The following AGBL1 variants were observed in gnomAD, a reference collection of about 807,000 sequenced individuals.
AGBL1 encodes AGBL carboxypeptidase 1.
In AGBL1, 130 loss-of-function variants were observed where a neutral mutation model predicts 118.9. The ratio of observed to expected loss-of-function variants is 1.09; its 90% CI spans 0.95 to 1.26. The LOEUF is 1.26. Among genes scored for constraint, AGBL1 ranks in the 50% most tolerant of loss-of-function variants. The pLI, the probability that AGBL1 is intolerant of heterozygous loss-of-function variation, is 0.00. For synonymous variants in AGBL1, 555 were observed against 478.9 expected (o/e 1.16, Z -2.08); for missense variants, 1,584 against 1,298.1 (o/e 1.22, Z -3.38).
At chr15:86,948,237 T>A (rs1016038197) in intron 23 of AGBL1, among the ~76,000 whole-genome samples, 1 of 151,928 alleles carries the variant, frequency 6.6e-6, no homozygotes, top group Non-Finnish European at 1.5e-5. Flanking sequence ...AAGAGATGAA[T>A]GAAATACACC....
chr15:86,987,525 T>C (rs1160325545), intron 23 of AGBL1, among the ~76,000 whole-genome samples: 1 of 152,140 alleles, frequency 6.6e-6, no homozygotes, highest in African/African-American at 2.4e-5. Context: ...CCTTTTATAT[T>C]ATTAAACAAA....
intron 22 of AGBL1, among the ~76,000 whole-genome samples, chr15:86,843,770 G>C (rs751319725): frequency 2.0e-5 from 3 of 152,060 alleles, no homozygotes; most frequent in Non-Finnish European, 4.4e-5. Context: ...TCCATCCAAG[G>C]TAAGCGTAAG....
chr15:86,853,475 CAGATGAAGAAATTG>C (rs2079434656), intron 22 of AGBL1, among the ~76,000 whole-genome samples: 1 of 152,166 alleles, frequency 6.6e-6, no homozygotes, highest in Non-Finnish European at 1.5e-5. Context: ...TCCAATTCTA[CAGATGAAGAAATTG>C]ATCTTTAAAG....
chr15:86,640,887 A>G (rs2085178776), intron 21 of AGBL1, among the ~76,000 whole-genome samples: 1 of 152,088 alleles, frequency 6.6e-6, no homozygotes, highest in Admixed American at 6.5e-5. Context: ...GACAATGAAT[A>G]ATATTAATTT....
At chr15:86,927,908 G>A (rs563288096) in intron 23 of AGBL1, among the ~76,000 whole-genome samples, 5 of 149,188 alleles carry the variant, frequency 3.4e-5, no homozygotes, top group Non-Finnish European at 5.9e-5. Context: ...CTACTTCAAG[G>A]ACAGCAAATT....
At chr15:86,365,605 A>G (rs2080874888) in intron 17 of AGBL1, among the ~76,000 whole-genome samples, 1 of 152,074 alleles carries the variant, frequency 6.6e-6, no homozygotes, top group Non-Finnish European at 1.5e-5. Flanking sequence ...ATACCCATTT[A>G]TCTCTTTACA....
chr15:86,156,779 TTTTTTCTTTTCTTTC>T (rs1350959516), intron 4 of AGBL1, among the ~76,000 whole-genome samples: 2 of 80,976 alleles, frequency 2.5e-5, no homozygotes, highest in African/African-American at 1.2e-4. Flanking sequence ...CTTTTCTTTC[TTTTTTCTTTTCTTTC>T]TTTTTTTTTT....
chr15:86,972,405 CAT>C (rs2081117432), intron 23 of AGBL1, among the ~76,000 whole-genome samples: 1 of 151,998 alleles, frequency 6.6e-6, no homozygotes, highest in South Asian at 2.1e-4. Context: ...CAGACCAAGA[CAT>C]AGACTTCATT....
At chr15:86,978,819 C>T (rs1200500131) in intron 23 of AGBL1, among the ~76,000 whole-genome samples, 4 of 152,184 alleles carry the variant, frequency 2.6e-5, no homozygotes, top group Non-Finnish European at 4.4e-5. Context: ...TATGTCTTGT[C>T]ATCAGCCTAT....
rs77712922 is a variant in AGBL1 at position 86,889,317 on chromosome 15, A to G, written c.3159-17770A>G. On this transcript the variant is annotated intron_variant, in intron 22 of 22. Coordinates refer to ENST00000614907, the MANE Select transcript of AGBL1 (RefSeq NM_001386094.1). Reference sequence around the variant, plus strand: ...AAATCTAAGTGCTTTCGGCAAATCTATATTTCTTTCCAGATGCTCTGATCT... The same window carrying G: ...AAATCTAAGTGCTTTCGGCAAATCTGTATTTCTTTCCAGATGCTCTGATCT... Among the ~76,000 whole-genome samples the G allele has an allele frequency of 7.7e-5, 9 of 117,308 alleles. No individual in the cohort carries two copies. The Admixed American group carries it at 9.0e-4, about 12-fold the overall frequency. The allele number at this position is 117,308 out of a possible 152,430, so 77.0% of individuals were successfully genotyped here. A position where few individuals can be genotyped will look rare whatever the true frequency, so the allele number is the denominator to read the frequency against.
chr15:86,813,199 G>C (rs2078814503), intron 22 of AGBL1, among the ~76,000 whole-genome samples: 1 of 76,528 alleles, frequency 1.3e-5, no homozygotes, highest in South Asian at 4.1e-4. Context: ...ACACCTTTGA[G>C]GGTTGGGGGG....
At position 86,522,931 on chromosome 15, in the gene AGBL1, A is replaced by G. The variant is rs761760569; in HGVS notation, c.2677A>G (p.Ser893Gly). 16 of 1,613,812 alleles carry G rather than the reference A, an allele frequency of 9.9e-6. No homozygotes were observed. The East Asian group carries it at 2.5e-4, about 25-fold the overall frequency. Residue 893 changes from serine (S) to glycine (G), a missense_variant, in exon 19 of 23, where the codon AGT (serine) becomes GGT (glycine). Ser to Gly is a moderately conservative substitution (Grantham distance 56). Transcript: ENST00000614907. ...LLYHLSSIGRSPVVFCDFHGH... is the reference protein window; with the variant it reads ...LLYHLSSIGRGPVVFCDFHGH... ...CTACCACCTGAGCAGCATTGGCCGA[A>G]GTCCCGTGGTGAGTCACTTCCTTCT...
At chr15:86,856,646 A>G (rs374370584) in intron 22 of AGBL1, among the ~76,000 whole-genome samples, 1 of 152,246 alleles carries the variant, frequency 6.6e-6, no homozygotes, top group South Asian at 2.1e-4. Flanking sequence ...CCTTCACAGC[A>G]AAGCACAGTA....
Position 86,941,770 on chromosome 15 carries a change from G to A in AGBL1, c.3222-46217G>A, listed in dbSNP as rs141941122. ...GGCAAGGTGCCAGCCATTGAGAGCT[G>A]CTGACTGCCATGCAATGCAGAGCCT... On this transcript the variant is annotated intron_variant, in intron 23 of 24. Transcript: ENST00000441037. Among the ~76,000 whole-genome samples, 1,169 of 152,302 alleles carry A rather than the reference G, an allele frequency of 7.7e-3. 11 individuals are homozygous for A. The highest frequency in any genetic ancestry group is 0.01 in the Non-Finnish European group (707 of 68,030).
chr15:86,904,203 C>T (rs1284871247), intron 22 of AGBL1, among the ~76,000 whole-genome samples: 4 of 152,156 alleles, frequency 2.6e-5, no homozygotes, highest in Non-Finnish European at 5.9e-5. Context: ...CTCAGCTGTT[C>T]CAGCTCCAAA....
At chr15:86,842,335 A>T (rs1596541314) in intron 22 of AGBL1, among the ~76,000 whole-genome samples, 1 of 152,242 alleles carries the variant, frequency 6.6e-6, no homozygotes, top group Non-Finnish European at 1.5e-5. Flanking sequence ...CTGGACTCTG[A>T]GCTCCTCAGA....
At chr15:86,683,396 C>T (rs774926073) in intron 22 of AGBL1, among the ~76,000 whole-genome samples, 2 of 152,124 alleles carry the variant, frequency 1.3e-5, no homozygotes, top group Non-Finnish European at 2.9e-5. Flanking sequence ...AAAGATTGCA[C>T]ATGCCAAGGA....
chr15:86,962,604 A>G (rs1396468325), intron 23 of AGBL1, among the ~76,000 whole-genome samples: 1 of 152,064 alleles, frequency 6.6e-6, no homozygotes, highest in Non-Finnish European at 1.5e-5. Flanking sequence ...AGAGTAAATA[A>G]ATTTCAGGTT....
chr15:86,520,154 C>A (rs1313553120), intron 18 of AGBL1, among the ~76,000 whole-genome samples: 1 of 152,038 alleles, frequency 6.6e-6, no homozygotes, highest in Non-Finnish European at 1.5e-5. Flanking sequence ...GGTAAGGAAC[C>A]AATGAATGTA....
Sources: gnomAD v4.1 joint callset for allele counts (sites outside exome capture counted in the v4.1 genomes callset) on GRCh38, gnomAD v4.1.1 for gene constraint, MANE v1.5 for transcripts, NCBI Gene and HGNC (gene_info 2026-07-23, HGNC 2026-07-21) for gene names.